The following STXBP5L variants were observed in gnomAD, a reference collection of about 807,000 sequenced individuals.
The protein encoded by STXBP5L is syntaxin binding protein 5L.
Under a neutral mutation model 144.5 loss-of-function variants are expected in STXBP5L, and 65 were observed. That is an observed-to-expected ratio of 0.45 (90% CI 0.37 to 0.55). The LOEUF is 0.55. Ranked by LOEUF, STXBP5L falls within the 20% of genes least tolerant of loss-of-function variation. STXBP5L has a pLI of 0.00. For missense variants in STXBP5L, 1,298 were observed against 1,405.5 expected, an observed-to-expected ratio of 0.92 and a Z score of 1.22; for synonymous variants, 505 against 469.6, an observed-to-expected ratio of 1.08 and a Z score of -0.97.
chr3:121,398,062 C>T (rs1560055748), intron 22 of STXBP5L, among the ~76,000 whole-genome samples: 1 of 152,184 alleles, frequency 6.6e-6, no homozygotes, highest in Non-Finnish European at 1.5e-5. Context: ...CCAAATCCTC[C>T]TGTTCGTTTA....
intron 5 of STXBP5L, among the ~76,000 whole-genome samples, chr3:121,062,075 T>C (rs946662258): frequency 6.6e-6 from 1 of 151,984 alleles, no homozygotes; most frequent in African/African-American, 2.4e-5. Flanking sequence ...GTCTTTACAA[T>C]TTGGTATGTT....
chr3:121,203,785 C>T (rs2108223449), intron 9 of STXBP5L, among the ~76,000 whole-genome samples: 1 of 152,186 alleles, frequency 6.6e-6, no homozygotes, highest in South Asian at 2.1e-4. Context: ...CTGTTTTGTT[C>T]AATTAATGGT....
chr3:120,955,232 T>C (rs1307915595), intron 3 of STXBP5L, among the ~76,000 whole-genome samples, 195 bp downstream of exon 3: 1 of 152,120 alleles, frequency 6.6e-6, no homozygotes, highest in Non-Finnish European at 1.5e-5. Context: ...TGATGTCTCT[T>C]CTTTAACTCC....
intron 22 of STXBP5L, among the ~76,000 whole-genome samples, chr3:121,395,913 T>A (rs997492928): frequency 1.3e-5 from 2 of 152,168 alleles, no homozygotes; most frequent in Non-Finnish European, 2.9e-5. Context: ...AACCGAGGGG[T>A]CCTCGGGATC....
At position 121,264,047 on chromosome 3, in the gene STXBP5L, AG is replaced by A. The variant is rs374079121; in HGVS notation, c.1958+4882del. ...GGTTGAAATGAAGGAAAACATGTTA[AG>A]GGCAGCCAGAGAGAAAGGTCAGGTT... On this transcript the variant is annotated intron_variant, in intron 18 of 26. Coordinates refer to ENST00000471454, the MANE Select transcript of STXBP5L (RefSeq NM_001308330.2). 2.1e-3 allele frequency among the ~76,000 whole-genome samples: 317 copies of A among 152,336 alleles called. 2 individuals carry two copies. The highest frequency in any genetic ancestry group is 7.1e-3 in the African/African-American group (296 of 41,574).
chr3:121,068,948 G>A (rs13314093), intron 5 of STXBP5L, among the ~76,000 whole-genome samples: 15,100 of 152,066 alleles, frequency 0.099, 1,180 homozygotes, highest in Admixed American at 0.2. Context: ...TGCAAAACTA[G>A]TACAGAGGTT....
At chr3:121,276,189 C>T (rs369191319) in intron 18 of STXBP5L, among the ~76,000 whole-genome samples, 2 of 88,030 alleles carry the variant, frequency 2.3e-5, no homozygotes, top group African/African-American at 8.3e-5. Context: ...GTTTTTTGTT[C>T]TCAGGCTTAC....
rs751789410 is a variant in STXBP5L, at chr3:121,378,838, G to C, written c.2299G>C (p.Ala767Pro). The C allele has an allele frequency of 6.2e-7, 1 of 1,613,672 alleles. No individual in the cohort carries two copies. Among genetic ancestry groups the C allele is most frequent in the Middle Eastern group, 1.7e-4 (1 of 6,056 alleles). Reference protein sequence around the residue: ...WGPGRPPFRKAQSAACMEISL... With the variant: ...WGPGRPPFRKPQSAACMEISL... ...TCCTGGAAGACCACCATTTCGAAAG[G>C]CCCAGTCAGCAGCCTGCATGGAGAT... is the stretch of plus-strand genomic sequence containing the variant. Residue 767 changes from alanine to proline, a missense_variant, in exon 21 of 27, where the codon GCC becomes CCC. Transcript: ENST00000471454.
chr3:121,080,318 A>G (rs2042197246), intron 5 of STXBP5L, among the ~76,000 whole-genome samples: 1 of 152,192 alleles, frequency 6.6e-6, no homozygotes, highest in Non-Finnish European at 1.5e-5. Flanking sequence ...TAGGCCATTT[A>G]CATTCAATAT....
At chr3:120,936,208 T>G (rs1241157909) in intron 2 of STXBP5L, among the ~76,000 whole-genome samples, 2 of 152,192 alleles carry the variant, frequency 1.3e-5, no homozygotes, top group African/African-American at 2.4e-5. Context: ...TTTTTGATTC[T>G]TAGAGTTTCC....
intron 8 of STXBP5L, 49 bp from the exon 9 acceptor site, chr3:121,157,455 C>T: frequency 1.3e-6 from 2 of 1,515,196 alleles, no homozygotes; most frequent in African/African-American, 1.4e-5. Flanking sequence ...AATGATATAA[C>T]CTATCTACTT....
chr3:120,978,272 C>T (rs966090913), intron 3 of STXBP5L, among the ~76,000 whole-genome samples: 1 of 152,150 alleles, frequency 6.6e-6, no homozygotes, highest in African/African-American at 2.4e-5. Flanking sequence ...CTAAACTTCC[C>T]TTCTCACTAC....
chr3:121,284,251 TCTA>T (rs2051158098), intron 19 of STXBP5L, among the ~76,000 whole-genome samples: 1 of 152,038 alleles, frequency 6.6e-6, no homozygotes, highest in Non-Finnish European at 1.5e-5. Context: ...AAATGGATTT[TCTA>T]CTATTCTCCT....
In STXBP5L at chr3:121,193,106, G is replaced by T. The variant is rs1371282140; in HGVS notation, c.878-12817G>T. Among the ~76,000 whole-genome samples, 8 of 141,962 alleles carry T rather than the reference G, an allele frequency of 5.6e-5. 3 individuals carry two copies. Among genetic ancestry groups the T allele is most frequent in the Non-Finnish European group, 1.1e-4 (7 of 65,404 alleles). 93.1% of individuals were successfully genotyped at this position (141,962 alleles called of 152,430 possible). Reference sequence around the variant, plus strand: ...AGGGCTAATATCCAGAATCTACAAAGATCTTAAACAAATTTACAAGAAAAA... The same window carrying T: ...AGGGCTAATATCCAGAATCTACAAATATCTTAAACAAATTTACAAGAAAAA... On this transcript the variant is annotated intron_variant, in intron 9 of 26. Coordinates refer to ENST00000471454, the MANE Select transcript of STXBP5L (RefSeq NM_001308330.2).
intron 22 of STXBP5L, among the ~76,000 whole-genome samples, chr3:121,405,642 T>C (rs1030372106): frequency 1.3e-5 from 2 of 152,174 alleles, no homozygotes; most frequent in African/African-American, 2.4e-5. Context: ...AGTTTAAGCA[T>C]ACTTTGTAAG....
chr3:121,293,471 C>CAT (rs3074532), intron 19 of STXBP5L, among the ~76,000 whole-genome samples: 119,542 of 151,960 alleles, frequency 0.79, 47,242 homozygotes, highest in East Asian at 0.93. Flanking sequence ...ATTTTATAAA[C>CAT]ATTAATTAAA....
intron 22 of STXBP5L, among the ~76,000 whole-genome samples, chr3:121,397,224 A>G (rs760510511): frequency 6.6e-6 from 1 of 152,238 alleles, no homozygotes; most frequent in South Asian, 2.1e-4. Flanking sequence ...GGTCTTTTAA[A>G]TCTATGACTA....
intron 10 of STXBP5L, among the ~76,000 whole-genome samples, chr3:121,207,468 C>A (rs1477526671): frequency 1.3e-5 from 2 of 152,028 alleles, no homozygotes; most frequent in Admixed American, 6.6e-5. Flanking sequence ...CAATAAAAGC[C>A]AAAATTGACA....
chr3:121,239,687 A>G (rs536894466), intron 13 of STXBP5L, among the ~76,000 whole-genome samples: 14 of 121,732 alleles, frequency 1.2e-4, no homozygotes, highest in Middle Eastern at 5.7e-3. Flanking sequence ...GAAGGGGAAC[A>G]TCACACTCTG....
Sources: gnomAD v4.1 joint callset for allele counts (sites outside exome capture counted in the v4.1 genomes callset) on GRCh38, gnomAD v4.1.1 for gene constraint, MANE v1.5 for transcripts, NCBI Gene and HGNC (gene_info 2026-07-23, HGNC 2026-07-21) for gene names.